Variants in ZNF273 observed in about 807,000 individuals in gnomAD.
ZNF273 encodes zinc finger protein 9.
A neutral mutation model predicts 14.9 loss-of-function variants in ZNF273; 11 were observed. The observed-to-expected ratio is 0.74, with a 90% CI of 0.46 to 1.22. The LOEUF (loss-of-function observed/expected upper bound fraction) is 1.22, where lower values mean the gene tolerates loss of function less well. Ranked by LOEUF, ZNF273 falls within the 50% of genes most tolerant of loss-of-function variation. ZNF273 has a pLI of 0.00. For missense variants in ZNF273, 577 were observed against 660.6 expected (o/e 0.87, Z 1.39); for synonymous variants, 199 against 223.9 (o/e 0.89, Z 0.99).
chr7:64,928,311 G>C lies in ZNF273; in HGVS notation c.983G>C (p.Ser328Thr). 1 of 1,613,224 alleles carries C rather than the reference G, an allele frequency of 6.2e-7. No individual in the cohort carries two copies. The highest frequency in any genetic ancestry group is 8.5e-7 in the Non-Finnish European group (1 of 1,179,662). The change falls in exon 4 of 4, where the codon AGT (serine) becomes ACT (threonine). Residue 328 changes from serine (S) to threonine (T), a missense_variant. Around this residue, in one of 3 missense-constraint regions of ZNF273, gnomAD observed 411 missense variants for 440.4 expected, o/e 0.93. Coordinates refer to ENST00000476120, the MANE Select transcript of ZNF273 (RefSeq NM_021148.3). ...YNCEECGKGF[S>T]IFSTLTKHKI... is the part of the protein sequence containing the mutation. ...TGTGAAGAATGTGGCAAAGGCTTTA[G>C]TATATTCTCAACCCTTACTAAACAT... is the stretch of plus-strand genomic sequence containing the variant.
chr7:64,886,964 A>T (rs1408911627), intron 1 of ZNF273, among the ~76,000 whole-genome samples: 1 of 152,150 alleles, frequency 6.6e-6, no homozygotes, highest in Non-Finnish European at 1.5e-5. Flanking sequence ...ACACATTATG[A>T]TAGTGGCAGC....
At chr7:64,900,542 A>G (rs1402923796), upstream of ZNF273, among the ~76,000 whole-genome samples, 1 of 152,240 alleles carries the variant, frequency 6.6e-6, no homozygotes, top group East Asian at 1.9e-4. Flanking sequence ...AGTGAATGCC[A>G]GCAGCTAGCC....
Position 64,928,035 on chromosome 7 carries a change from G to A in ZNF273, c.707G>A (p.Cys236Tyr), listed in dbSNP as rs747185999. ...GCTACTAGAGTGAATTTCTACAAAT[G>A]TAAGACATGTGGAAAAGCCTTTAAC... ...KTATRVNFYK[C>Y]KTCGKAFNQF... Residue 236 changes from cysteine (C) to tyrosine (Y), a missense_variant, in exon 4 of 4, where the codon TGT (cysteine) becomes TAT (tyrosine). Coordinates refer to ENST00000476120, the MANE Select transcript of ZNF273 (RefSeq NM_021148.3). The A allele has an allele frequency of 1.9e-6, 3 of 1,608,604 alleles. No individual in the cohort carries two copies. The highest frequency in any genetic ancestry group is 2.5e-6 in the Non-Finnish European group (3 of 1,177,932).
At position 64,929,535 on chromosome 7, in the gene ZNF273, C is replaced by T. The variant is rs936702832; in HGVS notation, c.*497C>T. 1 of 152,160 alleles carries T rather than the reference C, an allele frequency of 6.6e-6. No individual in the cohort carries two copies. Among genetic ancestry groups the T allele is most frequent in the Non-Finnish European group, 1.5e-5 (1 of 68,068 alleles). The allele number at this position is 152,160 out of a possible 1,614,324, so 9.4% of individuals were successfully genotyped here. On this transcript the variant is annotated 3_prime_UTR_variant, in exon 4 of 4. Transcript: ENST00000476120. ...CTTAGAAAACATGGGAGGAATTACA[C>T]TAAAATATATTTTTGCAAATGCAGC...
rs752363426 is a variant in ZNF273, at chr7:64,921,605, C to CTTTTTTTTTTTTTTTTTTTTTTTTTTTT, written c.325+3318_325+3345dup. 6.9e-5 allele frequency among the ~76,000 whole-genome samples: 4 copies of CTTTTTTTTTTTTTTTTTTTTTTTTTTTT among 57,966 alleles called. 1 individual carries two copies. Among genetic ancestry groups the CTTTTTTTTTTTTTTTTTTTTTTTTTTTT allele is most frequent in the Non-Finnish European group, 1.3e-4 (4 of 31,484 alleles). 38.0% of individuals were successfully genotyped at this position (57,966 alleles called of 152,430 possible). The stretch of plus-strand genomic sequence containing the variant: ...TATCAATCTTTGCTTCATGCTAATG[C>CTTTTTTTTTTTTTTTTTTTTTTTTTTTT]TTTTTTTTTTTTTTTTTTTTTTTTT... On this transcript the variant is annotated intron_variant, in intron 3 of 3. Coordinates refer to ENST00000476120, the MANE Select transcript of ZNF273 (RefSeq NM_021148.3).
upstream of ZNF273, among the ~76,000 whole-genome samples, chr7:64,899,332 G>T (rs548720529): frequency 1.3e-5 from 2 of 152,332 alleles, no homozygotes; most frequent in African/African-American, 4.8e-5. Flanking sequence ...TAATCTAAGA[G>T]AAACTATCTA....
At chr7:64,887,794 T>A (rs959090826) in intron 1 of ZNF273, among the ~76,000 whole-genome samples, 18 of 151,480 alleles carry the variant, frequency 1.2e-4, no homozygotes, top group African/African-American at 4.4e-4. Context: ...CACCGTGCCC[T>A]GTCTTTTTTT....
At position 64,929,827 on chromosome 7, in the gene ZNF273, GTT is replaced by G. The variant is rs546790409; in HGVS notation, c.*801_*802del. ...ATGTAATTCAACTCTCAAATTCATGGTTTTTTTTTTTTTGGTTTTGGTTTTGG... is the reference window on the plus strand; with the variant it reads ...ATGTAATTCAACTCTCAAATTCATGGTTTTTTTTTTTGGTTTTGGTTTTGG... On this transcript the variant is annotated 3_prime_UTR_variant, in exon 4 of 4. Coordinates refer to ENST00000476120, the MANE Select transcript of ZNF273 (RefSeq NM_021148.3). The G allele has an allele frequency of 8.5e-5, 12 of 141,382 alleles. No homozygotes were observed. Among genetic ancestry groups the G allele is most frequent in the South Asian group, 2.2e-4 (1 of 4,460 alleles). 8.8% of individuals were successfully genotyped at this position (141,382 alleles called of 1,614,324 possible). A position where few individuals can be genotyped will look rare whatever the true frequency, so the allele number is the denominator to read the frequency against.
At chr7:64,884,005 G>A (rs910174374), downstream of ZNF273, among the ~76,000 whole-genome samples, 5 of 152,174 alleles carry the variant, frequency 3.3e-5, no homozygotes, top group Non-Finnish European at 5.9e-5. Context: ...ACTTCTATAG[G>A]ATTGCAGCAT....
In ZNF273 at chr7:64,917,976, A is replaced by G. The variant is rs372652118; in HGVS notation, c.230-221A>G. On this transcript the variant is annotated intron_variant, in intron 2 of 3. Coordinates refer to ENST00000476120, the MANE Select transcript of ZNF273 (RefSeq NM_021148.3). ...AAAAGTTGCCCACACCGTAAAATCT[A>G]ATTGCCACCACTAATTTTTCATTCC... 2.6e-5 allele frequency among the ~76,000 whole-genome samples: 4 copies of G among 152,286 alleles called. 1 individual carries two copies. The highest frequency in any genetic ancestry group is 1.5e-5 in the Non-Finnish European group (1 of 68,012).
downstream of ZNF273, chr7:64,889,648 T>C: frequency 1.0e-6 from 1 of 985,866 alleles, no homozygotes; most frequent in Non-Finnish European, 1.2e-6. The surrounding 1 kb of genome is among the most constrained non-coding windows in gnomAD (Gnocchi z 4.2). Context: ...CGGAGCCGCC[T>C]GGGTCTGTTC....
chr7:64,893,331 C>T (rs1792152215), downstream of ZNF273: 1 of 152,106 alleles, frequency 6.6e-6, no homozygotes, highest in Non-Finnish European at 1.5e-5. Flanking sequence ...TTTCACTGAA[C>T]ACAATCTATC....
At position 64,916,369 on chromosome 7, in the gene ZNF273, GTA is replaced by G. The variant is rs1491405974; in HGVS notation, c.103-1211_103-1210del. Among the ~76,000 whole-genome samples, 57 of 135,152 alleles carry G rather than the reference GTA, an allele frequency of 4.2e-4. 1 individual carries two copies. Among genetic ancestry groups the G allele is most frequent in the African/African-American group, 1.2e-3 (46 of 37,110 alleles). The allele number at this position is 135,152 out of a possible 152,430, so 88.7% of individuals were successfully genotyped here. A position where few individuals can be genotyped will look rare whatever the true frequency, so the allele number is the denominator to read the frequency against. On this transcript the variant is annotated intron_variant, in intron 1 of 3. Coordinates refer to ENST00000476120, the MANE Select transcript of ZNF273 (RefSeq NM_021148.3). ...GTGAAACCCCATCTCTACTAAAAAT[GTA>G]AAAAAAAAAAAAAAAAAATTAGCTG... is the stretch of plus-strand genomic sequence containing the variant.
chr7:64,928,656 C>G lies in ZNF273; in HGVS notation c.1328C>G (p.Ser443Ter). 1 of 1,612,954 alleles carries G rather than the reference C, an allele frequency of 6.2e-7. No homozygotes were observed. The change falls in exon 4 of 4, where the codon TCA becomes TGA. Residue 443 changes from serine (S) to a stop codon, truncating the protein, a stop_gained. Transcript: ENST00000476120. LOFTEE classifies it low-confidence loss of function (END_TRUNC). ...TGTGGAAAAGCCTTTAGTGTATTCT[C>G]AACCCTTACTAAACATAAGATAATT... ...EECGKAFSVFSTLTKHKIIHT... is the reference protein window; with the variant it reads ...EECGKAFSVF
chr7:64,905,290 G>GT (rs922498288), intron 1 of ZNF273, among the ~76,000 whole-genome samples: 11 of 151,388 alleles, frequency 7.3e-5, no homozygotes, highest in South Asian at 2.1e-4. Flanking sequence ...TAATTTTTGT[G>GT]TTTTTTGTAG....
downstream of ZNF273, among the ~76,000 whole-genome samples, chr7:64,890,890 TG>T (rs1287409564): frequency 2.0e-5 from 3 of 152,242 alleles, no homozygotes; most frequent in Non-Finnish European, 4.4e-5. Context: ...CTGCTCCATC[TG>T]GAGGTTGGAC....
chr7:64,933,228 C>T (rs1377194055), downstream of ZNF273: 1 of 152,440 alleles, frequency 6.6e-6, no homozygotes, highest in African/African-American at 2.4e-5. Context: ...CCACCTCAGC[C>T]TCCTGAAGTG....
chr7:64,900,810 T>C (rs1792662837), upstream of ZNF273, among the ~76,000 whole-genome samples: 1 of 152,062 alleles, frequency 6.6e-6, no homozygotes, highest in Non-Finnish European at 1.5e-5. Flanking sequence ...CAAGATCATC[T>C]ATAAAACACC....
upstream of ZNF273, among the ~76,000 whole-genome samples, chr7:64,899,909 C>T (rs1341224150): frequency 2.6e-5 from 4 of 151,152 alleles, no homozygotes; most frequent in South Asian, 2.1e-4. Context: ...TACAGGCATG[C>T]GCCACCAAGC....
Sources: gnomAD v4.1 joint callset for allele counts (sites outside exome capture counted in the v4.1 genomes callset) on GRCh38, gnomAD v4.1.1 for gene constraint, gnomAD v4.1.1 regional missense constraint, Gnocchi (gnomAD v3.1) non-coding constraint, MANE v1.5 for transcripts, NCBI Gene and HGNC (gene_info 2026-07-23, HGNC 2026-07-21) for gene names.